The following CPED1 variants were observed in gnomAD, a reference collection of about 807,000 sequenced individuals.
CPED1 encodes the protein cadherin-like and PC-esterase domain-containing protein 1.
In CPED1, 114 loss-of-function variants were observed where a neutral mutation model predicts 128.2. The observed-to-expected ratio is 0.89, with a 90% CI of 0.76 to 1.04. CPED1 has a LOEUF of 1.04. Ranked by LOEUF, CPED1 falls within the 50% of genes least tolerant of loss-of-function variation. The pLI, the probability that CPED1 is intolerant of heterozygous loss-of-function variation, is 0.00. For synonymous variants in CPED1, 462 were observed against 426.7 expected (o/e 1.08, Z -1.02); for missense variants, 1,211 against 1,207.1 (o/e 1.00, Z -0.05).
chr7:121,130,246 A>G lies in CPED1; in HGVS notation c.1529A>G (p.Glu510Gly). Reference protein sequence around the residue: ...TQYWSLLNVFEQFQFMNKKTQ... With the variant: ...TQYWSLLNVFGQFQFMNKKTQ... Reference sequence around the variant, plus strand: ...TACTGGTCTCTTTTAAATGTATTTGAACAATTTCAGTTCATGAATAAAAAG... The same window carrying G: ...TACTGGTCTCTTTTAAATGTATTTGGACAATTTCAGTTCATGAATAAAAAG... Residue 510 changes from glutamate (E) to glycine (G), a missense_variant, in exon 12 of 23, where the codon GAA (glutamate) becomes GGA (glycine). By Grantham distance (98) the Glu-to-Gly change is moderately conservative. Coordinates refer to ENST00000310396, the MANE Select transcript of CPED1 (RefSeq NM_024913.5). The G allele has an allele frequency of 1.2e-6, 2 of 1,610,192 alleles. No homozygotes were observed. Among genetic ancestry groups the G allele is most frequent in the Non-Finnish European group, 1.7e-6 (2 of 1,178,420 alleles).
In CPED1 at chr7:121,011,996, T is replaced by A. The variant is rs150587033; in HGVS notation, c.250-3669T>A. 3.2e-3 allele frequency among the ~76,000 whole-genome samples: 492 copies of A among 152,308 alleles called. 1 individual carries two copies. Among genetic ancestry groups the A allele is most frequent in the African/African-American group, 0.011 (474 of 41,580 alleles). On this transcript the variant is annotated intron_variant, in intron 2 of 22. Coordinates refer to ENST00000310396, the MANE Select transcript of CPED1 (RefSeq NM_024913.5). ...TATTGAAAATTCATTTAATTCCCAA[T>A]ACAACCTCATATAGTAGGATTTGTT... is the stretch of plus-strand genomic sequence containing the variant.
At position 120,999,074 on chromosome 7, in the gene CPED1, G is replaced by C. The variant is rs147832249; in HGVS notation, c.249+9204G>C. 1.9e-3 allele frequency among the ~76,000 whole-genome samples: 286 copies of C among 152,264 alleles called. 2 individuals are homozygous for C. Among genetic ancestry groups the C allele is most frequent in the African/African-American group, 6.6e-3 (274 of 41,540 alleles). ...ATAGTGAGCATTGAATAAATATTCA[G>C]TCGATGAATGAATAAATAAATGAAT... On this transcript the variant is annotated intron_variant, in intron 2 of 22. Transcript: ENST00000310396.
chr7:121,104,132 T>C (rs1232673263), intron 7 of CPED1, among the ~76,000 whole-genome samples: 1 of 152,066 alleles, frequency 6.6e-6, no homozygotes, highest in Admixed American at 6.6e-5. Flanking sequence ...TTTGATCTGA[T>C]TTTAAATCAA....
intron 7 of CPED1, among the ~76,000 whole-genome samples, chr7:121,109,060 TAC>T (rs1404500945): frequency 6.6e-6 from 1 of 152,158 alleles, no homozygotes; most frequent in Non-Finnish European, 1.5e-5. Flanking sequence ...TCTATTTGAT[TAC>T]AACCTGAGCC....
chr7:121,024,405 A>G (rs1981711), intron 3 of CPED1, among the ~76,000 whole-genome samples: 67,986 of 152,046 alleles, frequency 0.45, 16,961 homozygotes, highest in South Asian at 0.65. Flanking sequence ...GCTTCCTTAA[A>G]TGGGTTAGCT....
At chr7:121,270,121 C>T (rs1011877505) in intron 21 of CPED1, among the ~76,000 whole-genome samples, 1 of 152,042 alleles carries the variant, frequency 6.6e-6, no homozygotes, top group East Asian at 1.9e-4. Flanking sequence ...ACCCAAACAC[C>T]TCCCACTAAG....
At chr7:121,261,637 T>C in intron 18 of CPED1, 1 of 1,610,626 alleles carries the variant, frequency 6.2e-7, no homozygotes, top group Non-Finnish European at 8.5e-7. Flanking sequence ...TTCAGTTGGG[T>C]GTCGATGTCC....
chr7:121,272,527 A>G (rs1175854728), intron 22 of CPED1, among the ~76,000 whole-genome samples: 1 of 151,998 alleles, frequency 6.6e-6, no homozygotes, highest in Non-Finnish European at 1.5e-5. Context: ...CCAACTGTCT[A>G]TCACTCTGTT....
chr7:121,077,256 T>C (rs559155526), intron 5 of CPED1, among the ~76,000 whole-genome samples: 361 of 152,320 alleles, frequency 2.4e-3, no homozygotes, highest in African/African-American at 8.4e-3. Flanking sequence ...TTCTTTCCTG[T>C]ATCCTTTTTA....
At chr7:121,287,014 T>C (rs764267728) in intron 22 of CPED1, among the ~76,000 whole-genome samples, 3 of 152,018 alleles carry the variant, frequency 2.0e-5, no homozygotes, top group Non-Finnish European at 2.9e-5. Flanking sequence ...CTTATGAAAT[T>C]ATTAAATCCC....
intron 18 of CPED1, among the ~76,000 whole-genome samples, chr7:121,256,129 C>CAAAAAAAAAAAAAAAAAACAAAACA (rs201393067): frequency 9.9e-6 from 1 of 101,264 alleles, no homozygotes; most frequent in Admixed American, 1.1e-4. Flanking sequence ...AAAAACAAAA[C>CAAAAAAAAAAAAAAAAAACAAAACA]AAAAAAAAAA....
At chr7:121,005,509 G>A (rs886559281) in intron 2 of CPED1, among the ~76,000 whole-genome samples, 1 of 151,910 alleles carries the variant, frequency 6.6e-6, no homozygotes, top group Non-Finnish European at 1.5e-5. Context: ...GTCGGCGGGT[G>A]GGGGGCTGGG....
chr7:121,210,573 A>G (rs1014598754), intron 16 of CPED1, among the ~76,000 whole-genome samples: 1 of 152,090 alleles, frequency 6.6e-6, no homozygotes, highest in Admixed American at 6.6e-5. Flanking sequence ...CAAACTTCAC[A>G]TGTTATCACT....
chr7:121,073,253 T>A (rs538659719), intron 5 of CPED1, among the ~76,000 whole-genome samples: 1 of 152,292 alleles, frequency 6.6e-6, no homozygotes, highest in East Asian at 1.9e-4. Context: ...GAAAATACAT[T>A]CACTGTTTAT....
chr7:121,008,392 G>A (rs1179711320), intron 2 of CPED1, among the ~76,000 whole-genome samples: 2 of 151,968 alleles, frequency 1.3e-5, no homozygotes, highest in Non-Finnish European at 2.9e-5. Flanking sequence ...CCTATCTGAC[G>A]CTATTTGCCA....
chr7:121,074,998 C>T (rs531631578), intron 5 of CPED1, among the ~76,000 whole-genome samples: 52 of 152,240 alleles, frequency 3.4e-4, no homozygotes, highest in South Asian at 6.2e-4. Context: ...TGGTGGGCAA[C>T]TGCAGCTACA....
At chr7:121,253,185 C>T (rs1357147135) in intron 18 of CPED1, among the ~76,000 whole-genome samples, 3 of 151,456 alleles carry the variant, frequency 2.0e-5, no homozygotes, top group Non-Finnish European at 2.9e-5. Flanking sequence ...AGCTGGAAAC[C>T]ATCATTCTCA....
intron 16 of CPED1, among the ~76,000 whole-genome samples, chr7:121,148,419 A>AC (rs1165765880): frequency 4.6e-5 from 7 of 152,122 alleles, no homozygotes; most frequent in Non-Finnish European, 1.0e-4. Context: ...CTTTACCCCA[A>AC]CCTTGAACAT....
intron 3 of CPED1, among the ~76,000 whole-genome samples, chr7:121,016,151 C>T (rs1215395855): frequency 6.6e-6 from 1 of 152,194 alleles, no homozygotes; most frequent in East Asian, 1.9e-4. Context: ...ACATGTTCTG[C>T]CCCGCACCCA....
Sources: allele counts gnomAD v4.1 joint callset (sites outside exome capture counted in the v4.1 genomes callset), GRCh38; gene constraint gnomAD v4.1.1; transcripts MANE v1.5; gene names NCBI Gene and HGNC (gene_info 2026-07-23, HGNC 2026-07-21).